Variants in SH3GLB1 observed in about 807,000 individuals in gnomAD.
SH3GLB1 encodes SH3 domain containing GRB2 like, endophilin B1.
Under a neutral mutation model 42.0 loss-of-function variants are expected in SH3GLB1, and 17 were observed. The ratio of observed to expected loss-of-function variants is 0.40; its 90% CI spans 0.28 to 0.61. The LOEUF (loss-of-function observed/expected upper bound fraction) is 0.61. Among genes scored for constraint, SH3GLB1 ranks in the 20% least tolerant of loss-of-function variants. The pLI, the probability that SH3GLB1 is intolerant of heterozygous loss-of-function variation, is 0.36. For synonymous variants in SH3GLB1, 132 were observed against 146.6 expected (o/e 0.90, Z 0.72); for missense variants, 355 against 426.3 (o/e 0.83, Z 1.47).
chr1:86,734,579 C>G (rs1655685451), intron 5 of SH3GLB1, 23 bp from the exon 6 acceptor site: 7 of 1,557,774 alleles, frequency 4.5e-6, no homozygotes, highest in Non-Finnish European at 6.2e-6. Context: ...TAAAGAGATT[C>G]TAAAACTATA....
chr1:86,704,881 C>A lies in SH3GLB1; in HGVS notation c.-19C>A. On this transcript the variant is annotated 5_prime_UTR_variant, in exon 1 of 9. Transcript: ENST00000370558. The stretch of plus-strand genomic sequence containing the variant: ...TCGCCGCCGCTAGGTCGGCCGGCTC[C>A]GCCCGGCTGCCGCCTAGGATGAATA... The A allele has an allele frequency of 6.4e-7, 1 of 1,551,328 alleles. No individual in the cohort carries two copies. Among genetic ancestry groups the A allele is most frequent in the East Asian group, 2.6e-5 (1 of 38,782 alleles).
At chr1:86,725,914 C>T (rs556688305) in intron 5 of SH3GLB1, among the ~76,000 whole-genome samples, 7 of 152,058 alleles carry the variant, frequency 4.6e-5, no homozygotes, top group Non-Finnish European at 7.4e-5. Context: ...AATTTACTGG[C>T]ATTTTCACTT....
chr1:86,716,580 G>A (rs1325762626), intron 2 of SH3GLB1, among the ~76,000 whole-genome samples: 1 of 152,062 alleles, frequency 6.6e-6, no homozygotes, highest in South Asian at 2.1e-4. Context: ...ACTGCGCCCC[G>A]CCTATGTTTA....
chr1:86,742,247 T>G lies in SH3GLB1; in HGVS notation c.801T>G (p.Ser267=), dbSNP rs747514242. Residue 267 remains serine (S), a synonymous_variant, in exon 8 of 9, where the codon TCT becomes TCG. Transcript: ENST00000370558. The part of the protein sequence containing the change: ...SNYLSNNNQT[S]VTPVPSVLPN... Reference sequence around the variant, plus strand: ...ATCTTAGTAACAACAATCAGACTTCTGTGACACCTGTACCATCAGTTTTAC... The same window carrying G: ...ATCTTAGTAACAACAATCAGACTTCGGTGACACCTGTACCATCAGTTTTAC... 6.2e-7 allele frequency: 1 copy of G among 1,614,172 alleles called. No homozygotes were observed.
rs1022036950 is a variant in SH3GLB1, at chr1:86,744,976, A to G, written c.*1741A>G. 3 of 152,216 alleles carry G rather than the reference A, an allele frequency of 2.0e-5. No individual in the cohort carries two copies. The highest frequency in any genetic ancestry group is 4.4e-5 in the Non-Finnish European group (3 of 68,034). 9.4% of individuals were successfully genotyped at this position (152,216 alleles called of 1,614,324 possible). ...AGTAAATGAAATTTTCTCTCCCCTC[A>G]GAAAGGAAGTTCTACAGCCTAGAGT... On this transcript the variant is annotated 3_prime_UTR_variant, in exon 9 of 9. Transcript: ENST00000370558.
chr1:86,738,269 T>C (rs1465083820), intron 7 of SH3GLB1, among the ~76,000 whole-genome samples: 1 of 151,838 alleles, frequency 6.6e-6, no homozygotes, highest in Non-Finnish European at 1.5e-5. Flanking sequence ...TTGTTTTGTT[T>C]TGTTTTGTTT....
At chr1:86,708,069 T>C (rs557292275) in intron 1 of SH3GLB1, among the ~76,000 whole-genome samples, 1 of 152,352 alleles carries the variant, frequency 6.6e-6, no homozygotes, top group Non-Finnish European at 1.5e-5. Context: ...GTTATACTTT[T>C]GTATGTTTGA....
At chr1:86,722,457 AC>A in intron 3 of SH3GLB1, 82 bp from the exon 4 acceptor site, 1 of 1,331,586 alleles carries the variant, frequency 7.5e-7, no homozygotes, top group African/African-American at 1.5e-5. Context: ...TTTTAAACAG[AC>A]CAAATTGCTG....
At position 86,704,908 on chromosome 1, in the gene SH3GLB1, C is replaced by T. The variant is rs754775213; in HGVS notation, c.9C>T (p.Ile3=). 5 of 1,583,982 alleles carry T rather than the reference C, an allele frequency of 3.2e-6. No individual in the cohort carries two copies. Among genetic ancestry groups the T allele is most frequent in the South Asian group, 2.3e-5 (2 of 87,910 alleles). Reference sequence around the variant, plus strand: ...CCCGGCTGCCGCCTAGGATGAATATCATGGACTTCAACGTGAAGAAGCTGG... The same window carrying T: ...CCCGGCTGCCGCCTAGGATGAATATTATGGACTTCAACGTGAAGAAGCTGG... MN[I]MDFNVKKLAA... The change falls in exon 1 of 9, where the codon ATC becomes ATT. Residue 3 remains isoleucine, a synonymous_variant. Transcript: ENST00000370558.
At chr1:86,715,907 G>A (rs1406209274) in intron 2 of SH3GLB1, 42 bp downstream of exon 2, 3 of 1,563,306 alleles carry the variant, frequency 1.9e-6, no homozygotes, top group Non-Finnish European at 2.6e-6. Context: ...TACTATTAGT[G>A]GGTTTTTAAA....
intron 1 of SH3GLB1, among the ~76,000 whole-genome samples, chr1:86,705,928 A>T (rs1487384945): frequency 6.6e-6 from 1 of 152,216 alleles, no homozygotes; most frequent in Non-Finnish European, 1.5e-5. Flanking sequence ...CTGAAATGTA[A>T]ATCTGTTCTG....
At chr1:86,728,593 C>T in intron 5 of SH3GLB1, 2 of 553,328 alleles carry the variant, frequency 3.6e-6, no homozygotes, top group South Asian at 6.3e-5. Flanking sequence ...ATTCATTTAT[C>T]TTTAACAACA....
chr1:86,709,538 A>C (rs1225842547), intron 1 of SH3GLB1, among the ~76,000 whole-genome samples: 4 of 152,194 alleles, frequency 2.6e-5, no homozygotes, highest in Non-Finnish European at 5.9e-5. Flanking sequence ...TTTGTACTAA[A>C]TAGCCATTTT....
chr1:86,707,241 T>C (rs1181129205), intron 1 of SH3GLB1, among the ~76,000 whole-genome samples: 1 of 152,240 alleles, frequency 6.6e-6, no homozygotes, highest in Non-Finnish European at 1.5e-5. Context: ...GTCTTTCTAA[T>C]AGGATGAAAT....
chr1:86,738,298 C>G (rs1655881795), intron 7 of SH3GLB1, among the ~76,000 whole-genome samples: 1 of 151,942 alleles, frequency 6.6e-6, no homozygotes, highest in East Asian at 1.9e-4. Context: ...CAGAGTCTTG[C>G]TCTGTTGCCC....
chr1:86,742,258 T>C lies in SH3GLB1; in HGVS notation c.812T>C (p.Val271Ala), dbSNP rs977708561. The change falls in exon 8 of 9, where the codon GTA (valine) becomes GCA (alanine). Residue 271 changes from valine to alanine, a missense_variant. By Grantham distance (64) the Val-to-Ala change is moderately conservative. Transcript: ENST00000370558. ...SNNNQTSVTP[V>A]PSVLPNAIGS... ...AACAATCAGACTTCTGTGACACCTGTACCATCAGTTTTACCAAATGCGATT... is the reference window on the plus strand; with the variant it reads ...AACAATCAGACTTCTGTGACACCTGCACCATCAGTTTTACCAAATGCGATT... 1.2e-5 allele frequency: 19 copies of C among 1,614,044 alleles called. No homozygotes were observed. The highest frequency in any genetic ancestry group is 1.6e-5 in the Non-Finnish European group (19 of 1,180,026).
intron 5 of SH3GLB1, chr1:86,730,444 T>C (rs1655444175): frequency 2.4e-6 from 2 of 836,990 alleles, no homozygotes; most frequent in Non-Finnish European, 1.4e-6. Flanking sequence ...ATGTAAAATA[T>C]AGTTAACACC....
At chr1:86,709,960 C>T (rs1654102648) in intron 1 of SH3GLB1, among the ~76,000 whole-genome samples, 1 of 152,222 alleles carries the variant, frequency 6.6e-6, no homozygotes, top group Admixed American at 6.5e-5. Context: ...CTCTCTCAAG[C>T]ACTTCTGAAA....
intron 7 of SH3GLB1, among the ~76,000 whole-genome samples, chr1:86,741,610 C>G (rs1056472678): frequency 6.6e-6 from 1 of 152,042 alleles, no homozygotes; most frequent in African/African-American, 2.4e-5. Flanking sequence ...GAATGTCTAC[C>G]TTCTCACTAT....
Sources: gnomAD v4.1 joint callset for allele counts (sites outside exome capture counted in the v4.1 genomes callset) on GRCh38, gnomAD v4.1.1 for gene constraint, MANE v1.5 for transcripts, NCBI Gene and HGNC (gene_info 2026-07-23, HGNC 2026-07-21) for gene names.